The following CD44 variants were observed in gnomAD, a reference collection of about 807,000 sequenced individuals.
CD44 encodes CD44 antigen.
A neutral mutation model predicts 88.8 loss-of-function variants in CD44; 49 were observed. The ratio of observed to expected loss-of-function variants is 0.55; its 90% CI spans 0.44 to 0.70. The LOEUF (loss-of-function observed/expected upper bound fraction) is 0.70. Ranked by LOEUF, CD44 falls within the 30% of genes least tolerant of loss-of-function variation. The probability of loss-of-function intolerance (pLI) is 0.00; values close to 1 mark genes in which losing one functional copy is unlikely to be tolerated. For synonymous variants in CD44, 325 were observed against 312.3 expected (o/e 1.04, Z -0.43); for missense variants, 883 against 913.8 (o/e 0.97, Z 0.43).
chr11:35,199,143 G>A (rs944646634), intron 7 of CD44, among the ~76,000 whole-genome samples: 58 of 152,156 alleles, frequency 3.8e-4, no homozygotes, highest in Non-Finnish European at 4.4e-5. Context: ...AGACCTTGAA[G>A]GGAAGGGCAA....
chr11:35,208,921 A>G (rs527853467), intron 12 of CD44, among the ~76,000 whole-genome samples: 6 of 152,338 alleles, frequency 3.9e-5, no homozygotes, highest in South Asian at 2.1e-4. Flanking sequence ...AGTCCTTCAT[A>G]TGAGCCCTTT....
intron 16 of CD44, among the ~76,000 whole-genome samples, chr11:35,220,373 CT>C (rs66802123): frequency 0.13 from 19,926 of 151,864 alleles, 1,491 homozygotes; most frequent in Admixed American, 0.18. Context: ...TCCTGTCAGT[CT>C]CCCCCACTTC....
chr11:35,188,422 T>A (rs1391375997), intron 4 of CD44, among the ~76,000 whole-genome samples: 1 of 152,228 alleles, frequency 6.6e-6, no homozygotes, highest in Non-Finnish European at 1.5e-5. Flanking sequence ...GAACAACCTA[T>A]GAGAATATTC....
chr11:35,210,902 A>C (rs1356169790), intron 13 of CD44: 3 of 200,642 alleles, frequency 1.5e-5, no homozygotes, highest in African/African-American at 4.7e-5. Context: ...TACATCAAAG[A>C]TGAATCCAAT....
chr11:35,221,275 G>A (rs1010561519), intron 16 of CD44, among the ~76,000 whole-genome samples: 1 of 152,094 alleles, frequency 6.6e-6, no homozygotes, highest in African/African-American at 2.4e-5. Context: ...AGGTGGATAG[G>A]TGGATGCTCT....
chr11:35,225,205 A>G (rs1949615798), intron 17 of CD44, among the ~76,000 whole-genome samples: 1 of 130,176 alleles, frequency 7.7e-6, no homozygotes, highest in Non-Finnish European at 1.8e-5. Context: ...GGTGGCTACC[A>G]TATTGGATGG....
intron 3 of CD44, among the ~76,000 whole-genome samples, chr11:35,183,546 G>A (rs2133795704): frequency 6.6e-6 from 1 of 152,266 alleles, no homozygotes; most frequent in South Asian, 2.1e-4. Flanking sequence ...TCCCAGTGCT[G>A]TGATCCCCCC....
At chr11:35,177,541 G>A (rs1364418792) in intron 2 of CD44, among the ~76,000 whole-genome samples, 1 of 152,210 alleles carries the variant, frequency 6.6e-6, no homozygotes, top group African/African-American at 2.4e-5. Flanking sequence ...CTGTAGCTGT[G>A]CTTTTGCAGT....
In CD44 at chr11:35,196,868, A is replaced by C; in HGVS notation, c.790A>C (p.Met264Leu). ...GAATCATCTTCACACAACAACACAA[A>C]TGGCTGGTAATGAGTTATTATTATC... ...SKNHLHTTTQ[M>L]AGTSSNTISA... The change falls in exon 6 of 18, where the codon ATG (methionine) becomes CTG (leucine). Residue 264 changes from methionine (M) to leucine (L), a missense_variant. Coordinates refer to ENST00000428726, the MANE Select transcript of CD44 (RefSeq NM_000610.4). 1 of 1,612,826 alleles carries C rather than the reference A, an allele frequency of 6.2e-7. No individual in the cohort carries two copies. Among genetic ancestry groups the C allele is most frequent in the Non-Finnish European group, 8.5e-7 (1 of 1,179,150 alleles).
intron 1 of CD44, among the ~76,000 whole-genome samples, chr11:35,146,828 C>A (rs114609409): frequency 0.012 from 1,834 of 152,262 alleles, 46 homozygotes; most frequent in African/African-American, 0.042. Flanking sequence ...ATTTGGGAAT[C>A]TAGTTGTGGG....
Position 35,210,108 on chromosome 11 carries a change from A to T in CD44, c.1606+54A>T, listed in dbSNP as rs765573757. On this transcript the variant is annotated intron_variant, in intron 13 of 17. Coordinates refer to ENST00000428726, the MANE Select transcript of CD44 (RefSeq NM_000610.4). ...AGCTATTGATAAGAATCAATCAATT[A>T]TGGGTACTTTTGCAGTGTCTTTGGT... is the stretch of plus-strand genomic sequence containing the variant. 2.4e-5 allele frequency: 25 copies of T among 1,027,192 alleles called. No homozygotes were observed. In the East Asian group the frequency reaches 6.1e-4, roughly 25 times the overall value. 63.6% of individuals were successfully genotyped at this position (1,027,192 alleles called of 1,614,324 possible). A position where few individuals can be genotyped will look rare whatever the true frequency, so the allele number is the denominator to read the frequency against.
intron 3 of CD44, among the ~76,000 whole-genome samples, chr11:35,181,914 T>A (rs1195916930): frequency 4.4e-5 from 3 of 67,742 alleles, no homozygotes; most frequent in Admixed American, 2.6e-4. Flanking sequence ...ATAATATATA[T>A]TATATATTAT....
At chr11:35,185,294 GA>G in intron 3 of CD44, among the ~76,000 whole-genome samples, 1 of 152,292 alleles carries the variant, frequency 6.6e-6, no homozygotes, top group South Asian at 2.1e-4. Flanking sequence ...GGCTTTGCAA[GA>G]ATGGTGTTTC....
chr11:35,216,692 T>C (rs1172239313), intron 15 of CD44, among the ~76,000 whole-genome samples: 1 of 152,080 alleles, frequency 6.6e-6, no homozygotes. Flanking sequence ...ACCAGAAGTG[T>C]GAAAGTACTC....
In CD44 at chr11:35,161,569, G is replaced by A. The variant is rs551846012; in HGVS notation, c.68-15006G>A. Among the ~76,000 whole-genome samples, 8 of 152,304 alleles carry A rather than the reference G, an allele frequency of 5.3e-5. No homozygotes were observed. The East Asian group carries it at 5.8e-4, about 11-fold the overall frequency. ...TCACAGTTGCACTCTGCTGGGCAGC[G>A]CTGTAAGTCTCTGATTGGATTTTGC... On this transcript the variant is annotated intron_variant, in intron 1 of 17. Transcript: ENST00000428726.
intron 5 of CD44, 186 bp downstream of exon 5, chr11:35,190,251 TA>T (rs1160233206): frequency 1.7e-6 from 1 of 602,848 alleles, no homozygotes; most frequent in Non-Finnish European, 3.0e-6. Context: ...TACTACTGCC[TA>T]CCTTTTTTCC....
Position 35,139,238 on chromosome 11 carries a change from C to A in CD44, c.-66C>A. 7.6e-7 allele frequency: 1 copy of A among 1,310,590 alleles called. No individual in the cohort carries two copies. The highest frequency in any genetic ancestry group is 1.1e-6 in the Non-Finnish European group (1 of 928,184). 81.2% of individuals were successfully genotyped at this position (1,310,590 alleles called of 1,614,324 possible). A position where few individuals can be genotyped will look rare whatever the true frequency, so the allele number is the denominator to read the frequency against. On this transcript the variant is annotated 5_prime_UTR_variant, in exon 1 of 18. Coordinates refer to ENST00000428726, the MANE Select transcript of CD44 (RefSeq NM_000610.4). The stretch of plus-strand genomic sequence containing the variant: ...CCATCCTCGTCCCGTCCTCCGCCGG[C>A]CCCTGCCCCGCGCCCAGGGATCCTC...
chr11:35,216,416 C>T (rs78599983), intron 15 of CD44, among the ~76,000 whole-genome samples: 1 of 152,268 alleles, frequency 6.6e-6, no homozygotes, highest in African/African-American at 2.4e-5. Context: ...GTGAGGCTCA[C>T]CATCAGATTT....
intron 3 of CD44, among the ~76,000 whole-genome samples, chr11:35,180,738 CA>C (rs905920669): frequency 6.6e-6 from 1 of 151,858 alleles, no homozygotes; most frequent in Non-Finnish European, 1.5e-5. Context: ...AAAAATCACA[CA>C]AAAAAAATCT....
Sources: allele counts gnomAD v4.1 joint callset (sites outside exome capture counted in the v4.1 genomes callset), GRCh38; gene constraint gnomAD v4.1.1; transcripts MANE v1.5; gene names NCBI Gene and HGNC (gene_info 2026-07-23, HGNC 2026-07-21).